PLAAT3: variants seen among roughly 807,000 people sequenced by gnomAD.
PLAAT3 encodes phospholipase A and acyltransferase 3.
A neutral mutation model predicts 16.7 loss-of-function variants in PLAAT3; 21 were observed. The observed-to-expected ratio is 1.26, with a 90% confidence interval of 0.89 to 1.81. PLAAT3 has a LOEUF of 1.81. Ranked by LOEUF, PLAAT3 falls within the 40% of genes most tolerant of loss-of-function variation. The probability of loss-of-function intolerance (pLI) is 0.00; values close to 1 mark genes in which losing one functional copy is unlikely to be tolerated. For missense variants in PLAAT3, 219 were observed against 213.7 expected (o/e 1.02, Z -0.16); for synonymous variants, 76 against 81.7 (o/e 0.93, Z 0.38).
intron 2 of PLAAT3, among the ~76,000 whole-genome samples, chr11:63,603,110 A>G (rs1179457093): frequency 1.3e-5 from 2 of 152,174 alleles, no homozygotes; most frequent in African/African-American, 4.8e-5. Flanking sequence ...AAATAAAATA[A>G]TAAAATGTTT....
chr11:63,606,886 C>T (rs1281814116), intron 2 of PLAAT3, among the ~76,000 whole-genome samples: 1 of 152,188 alleles, frequency 6.6e-6, no homozygotes, highest in Admixed American at 6.5e-5. Context: ...CTGGCAGGGG[C>T]CACTGCCAAG....
At chr11:63,598,812 C>T (rs1938355518) in intron 2 of PLAAT3, 1 of 468,172 alleles carries the variant, frequency 2.1e-6, no homozygotes, top group Non-Finnish European at 4.2e-6. Context: ...GCAGTAATGT[C>T]CCCCGGCTGC....
At chr11:63,616,580 AACTT>A (rs1248311091), upstream of PLAAT3, 2 of 152,016 alleles carry the variant, frequency 1.3e-5, no homozygotes, top group African/African-American at 2.4e-5. Context: ...GCTTCATTAC[AACTT>A]ACTATTCTTT....
chr11:63,603,703 TAC>T (rs67821162), intron 2 of PLAAT3, among the ~76,000 whole-genome samples: 1,323 of 117,062 alleles, frequency 0.011, 11 homozygotes, highest in African/African-American at 0.028. Flanking sequence ...TAAATTATCC[TAC>T]ACACACACAC....
Position 63,574,969 on chromosome 11 carries a change from T to C in PLAAT3, c.465A>G (p.Ser155=), listed in dbSNP as rs1360864904. 1.2e-6 allele frequency: 2 copies of C among 1,611,140 alleles called. No individual in the cohort carries two copies. Among genetic ancestry groups the C allele is most frequent in the African/African-American group, 1.3e-5 (1 of 75,016 alleles). Residue 155 remains serine (S), a synonymous_variant, in exon 5 of 5, where the codon TCA becomes TCG. Transcript: ENST00000415826. ...GTTATTGCTTTTGTCGCTTGTTTCT[T>C]GAGAACATGACTCCAATAAGGCTCA... is the stretch of plus-strand genomic sequence containing the variant. The part of the protein sequence containing the change: ...AAMSLIGVMF[S]RNKRQKQ
intron 4 of PLAAT3, among the ~76,000 whole-genome samples, chr11:63,580,671 A>T (rs1937784685): frequency 6.6e-6 from 1 of 152,170 alleles, no homozygotes; most frequent in Admixed American, 6.5e-5. Flanking sequence ...AAAACAAAAA[A>T]AAGAGGAAAT....
intron 2 of PLAAT3, among the ~76,000 whole-genome samples, chr11:63,605,278 A>T (rs1200437508): frequency 1.3e-5 from 2 of 151,824 alleles, no homozygotes. Flanking sequence ...CACGCCTGTA[A>T]TCTCAGCTAC....
intron 2 of PLAAT3, among the ~76,000 whole-genome samples, chr11:63,607,544 G>C (rs1938598173): frequency 6.6e-6 from 1 of 151,770 alleles, no homozygotes; most frequent in Admixed American, 6.6e-5. Flanking sequence ...GAGAGAATGG[G>C]AGAAGATGAA....
chr11:63,614,172 C>T, intron 1 of PLAAT3, 104 bp from the exon 2 acceptor site: 1 of 959,450 alleles, frequency 1.0e-6, no homozygotes, highest in South Asian at 1.4e-5. Flanking sequence ...AGGCGCGCCT[C>T]GGACCCCAGG....
chr11:63,580,074 C>G (rs1461378685), intron 4 of PLAAT3, among the ~76,000 whole-genome samples: 1 of 151,974 alleles, frequency 6.6e-6, no homozygotes, highest in Non-Finnish European at 1.5e-5. Flanking sequence ...GAAAATGGTT[C>G]CCCAAAAACA....
chr11:63,590,932 G>A (rs1262609470), intron 3 of PLAAT3, among the ~76,000 whole-genome samples: 2 of 152,238 alleles, frequency 1.3e-5, no homozygotes, highest in Non-Finnish European at 2.9e-5. Context: ...CAAAGCTCCA[G>A]AAATGAAATG....
At chr11:63,596,368 C>A (rs1938289477) in intron 3 of PLAAT3, among the ~76,000 whole-genome samples, 1 of 151,660 alleles carries the variant, frequency 6.6e-6, no homozygotes, top group Non-Finnish European at 1.5e-5. Flanking sequence ...GGTCCCCAAC[C>A]TTTTTAGCAC....
At chr11:63,612,848 G>A (rs567445420) in intron 2 of PLAAT3, among the ~76,000 whole-genome samples, 1 of 151,826 alleles carries the variant, frequency 6.6e-6, no homozygotes, top group Admixed American at 6.6e-5. Context: ...TTACATATAC[G>A]AGGTTCAATA....
intron 2 of PLAAT3, among the ~76,000 whole-genome samples, chr11:63,606,303 T>C (rs1487826590): frequency 1.3e-5 from 2 of 152,114 alleles, no homozygotes; most frequent in Non-Finnish European, 2.9e-5. Context: ...AATACCTTAG[T>C]AGGCCGGCGC....
intron 3 of PLAAT3, among the ~76,000 whole-genome samples, 157 bp from the exon 4 acceptor site, chr11:63,590,525 T>G (rs527603764): frequency 5.1e-4 from 78 of 152,150 alleles, no homozygotes; most frequent in Middle Eastern, 3.4e-3. Flanking sequence ...TTGGGGAAGG[T>G]GTGTGTGGTC....
At chr11:63,593,285 A>G (rs1442547451) in intron 3 of PLAAT3, among the ~76,000 whole-genome samples, 1 of 152,272 alleles carries the variant, frequency 6.6e-6, no homozygotes, top group Admixed American at 6.5e-5. Context: ...AAGGATGACC[A>G]GCAGAGGCTG....
At chr11:63,615,062 A>G (rs1196138220), upstream of PLAAT3, among the ~76,000 whole-genome samples, 45 of 7,386 alleles carry the variant, frequency 6.1e-3, 13 homozygotes, top group African/African-American at 7.5e-3. Context: ...GTGTATATAT[A>G]TGTGTGTATA....
At chr11:63,599,914 C>T (rs1938382369) in intron 2 of PLAAT3, among the ~76,000 whole-genome samples, 1 of 152,204 alleles carries the variant, frequency 6.6e-6, no homozygotes, top group African/African-American at 2.4e-5. Context: ...TGGCAGTGTG[C>T]AGAGCCAAAG....
rs61929725 is a variant in PLAAT3 at position 63,613,986 on chromosome 11, C to T, written c.15+14G>A. 0.13 allele frequency: 190,534 copies of T among 1,512,162 alleles called. 13,822 individuals carry two copies. Among genetic ancestry groups the T allele is most frequent in the Middle Eastern group, 0.18 (1,029 of 5,840 alleles). The allele number at this position is 1,512,162 out of a possible 1,614,324, so 93.7% of individuals were successfully genotyped here. A position where few individuals can be genotyped will look rare whatever the true frequency, so the allele number is the denominator to read the frequency against. On this transcript the variant is annotated intron_variant, in intron 2 of 4. Transcript: ENST00000415826. Reference sequence around the variant, plus strand: ...CTCCCAGCCCCGCCCAGCCCCGCCTCGCCCCGCACTTACAATGGGCGCACG... The same window carrying T: ...CTCCCAGCCCCGCCCAGCCCCGCCTTGCCCCGCACTTACAATGGGCGCACG...
Sources: allele counts gnomAD v4.1 joint callset (sites outside exome capture counted in the v4.1 genomes callset), GRCh38; gene constraint gnomAD v4.1.1; transcripts MANE v1.5; gene names NCBI Gene and HGNC (gene_info 2026-07-23, HGNC 2026-07-21).